RHBDD1: variants seen among roughly 807,000 people sequenced by gnomAD.
The protein encoded by RHBDD1 is rhomboid-related protein 4.
A neutral mutation model predicts 36.3 loss-of-function variants in RHBDD1; 38 were observed. That is an observed-to-expected ratio of 1.05 (90% CI 0.81 to 1.37). The LOEUF is 1.37. Ranked by LOEUF, RHBDD1 falls within the 40% of genes most tolerant of loss-of-function variation. The pLI is 0.00. For synonymous variants in RHBDD1, 151 were observed against 136.5 expected, an observed-to-expected ratio of 1.11 and a Z score of -0.74; for missense variants, 393 against 377.6, an observed-to-expected ratio of 1.04 and a Z score of -0.34.
At chr2:226,995,337 AC>A in intron 8 of RHBDD1, 93 bp from the exon 9 acceptor site, 1 of 752,674 alleles carries the variant, frequency 1.3e-6, no homozygotes, top group African/African-American at 1.8e-5. Flanking sequence ...TGAAGATGAC[AC>A]CCAAGCTATC....
At chr2:226,958,704 G>A (rs1165445699) in intron 8 of RHBDD1, among the ~76,000 whole-genome samples, 2 of 79,758 alleles carry the variant, frequency 2.5e-5, no homozygotes, top group African/African-American at 1.1e-4. Context: ...GGATTTTTCT[G>A]TGTGTGTGTG....
chr2:226,840,583 A>G (rs1300221485), intron 3 of RHBDD1, among the ~76,000 whole-genome samples: 1 of 152,208 alleles, frequency 6.6e-6, no homozygotes, highest in Non-Finnish European at 1.5e-5. Context: ...ATAAAGAAAC[A>G]GAAGCTCTAC....
At position 226,910,193 on chromosome 2, in the gene RHBDD1, T is replaced by A. The variant is rs568684880; in HGVS notation, c.712+1315T>A. On this transcript the variant is annotated intron_variant, in intron 7 of 8. Transcript: ENST00000392062. ...TGCACTCGATTTATTTTCTATTTTTTAAAAAAGAGGACTGAAGAGAACAGC... is the reference window on the plus strand; with the variant it reads ...TGCACTCGATTTATTTTCTATTTTTAAAAAAAGAGGACTGAAGAGAACAGC... Among the ~76,000 whole-genome samples the A allele has an allele frequency of 1.5e-4, 23 of 152,336 alleles. No individual in the cohort carries two copies. The East Asian group carries it at 2.3e-3, about 15-fold the overall frequency.
At chr2:226,906,445 G>A (rs763893001) in intron 5 of RHBDD1, among the ~76,000 whole-genome samples, 3 of 152,070 alleles carry the variant, frequency 2.0e-5, no homozygotes, top group Non-Finnish European at 4.4e-5. Context: ...AGAGAAAACT[G>A]ATTTTATTTA....
chr2:226,900,323 C>A (rs1050779366), intron 5 of RHBDD1, among the ~76,000 whole-genome samples: 3 of 152,102 alleles, frequency 2.0e-5, no homozygotes, highest in Non-Finnish European at 4.4e-5. Flanking sequence ...TTATTGGTTA[C>A]CTTGCAGAAT....
chr2:226,943,679 A>G lies in RHBDD1; in HGVS notation c.856+29328A>G, dbSNP rs575500340. Among the ~76,000 whole-genome samples the G allele has an allele frequency of 5.3e-5, 8 of 152,300 alleles. No individual in the cohort carries two copies. In the South Asian group the frequency reaches 1.7e-3, roughly 32 times the overall value. Reference sequence around the variant, plus strand: ...TTCTTTTGCACACTGTGCTATGACAAAGATAAATTTTAAACCTCAAGTAAT... The same window carrying G: ...TTCTTTTGCACACTGTGCTATGACAGAGATAAATTTTAAACCTCAAGTAAT... On this transcript the variant is annotated intron_variant, in intron 8 of 8. Coordinates refer to ENST00000392062, the MANE Select transcript of RHBDD1 (RefSeq NM_001167608.3).
chr2:226,977,798 C>T (rs1353555282), intron 8 of RHBDD1, among the ~76,000 whole-genome samples: 1 of 152,206 alleles, frequency 6.6e-6, no homozygotes, highest in East Asian at 1.9e-4. Flanking sequence ...GGGAATTGGC[C>T]TATTGTTCTA....
intron 8 of RHBDD1, among the ~76,000 whole-genome samples, chr2:226,955,587 C>G (rs1951735827): frequency 6.6e-6 from 1 of 152,196 alleles, no homozygotes; most frequent in Non-Finnish European, 1.5e-5. Context: ...TAATAAAATA[C>G]CAAAGACTGG....
the RHBDD1 span, among the ~76,000 whole-genome samples, chr2:226,826,745 C>T: frequency 6.6e-6 from 1 of 152,054 alleles, no homozygotes; most frequent in Admixed American, 6.6e-5. Context: ...TGATCTCAAT[C>T]TCCTGACCTC....
At chr2:226,951,237 C>T (rs916016589) in intron 8 of RHBDD1, among the ~76,000 whole-genome samples, 2 of 152,144 alleles carry the variant, frequency 1.3e-5, no homozygotes, top group East Asian at 1.9e-4. Flanking sequence ...AAGGCCCTAT[C>T]TCCAAATACA....
chr2:226,954,015 C>G (rs1407110641), intron 8 of RHBDD1, among the ~76,000 whole-genome samples: 1 of 152,150 alleles, frequency 6.6e-6, no homozygotes, highest in African/African-American at 2.4e-5. Flanking sequence ...TGAGGTTAAA[C>G]GGAAGTCACC....
intron 4 of RHBDD1, among the ~76,000 whole-genome samples, chr2:226,866,279 C>A (rs561126837): frequency 2.0e-5 from 3 of 152,242 alleles, no homozygotes; most frequent in East Asian, 3.9e-4. Context: ...ACCATGCTGG[C>A]CAGGATGGTC....
At chr2:226,964,029 T>G (rs1952429557) in intron 8 of RHBDD1, among the ~76,000 whole-genome samples, 1 of 152,122 alleles carries the variant, frequency 6.6e-6, no homozygotes, top group African/African-American at 2.4e-5. Context: ...CCTTTTCCCT[T>G]GTGTCTTCAG....
intron 5 of RHBDD1, among the ~76,000 whole-genome samples, chr2:226,889,577 A>C (rs1001084599): frequency 2.0e-5 from 3 of 152,226 alleles, no homozygotes; most frequent in Admixed American, 2.0e-4. Context: ...ACAAATTAGA[A>C]ATCAGTAGAT....
chr2:226,967,770 T>G (rs1575291223), intron 8 of RHBDD1, among the ~76,000 whole-genome samples: 1 of 151,798 alleles, frequency 6.6e-6, no homozygotes, highest in East Asian at 1.9e-4. Context: ...TTTGCAAATG[T>G]GTGTGTGAGA....
intron 8 of RHBDD1, among the ~76,000 whole-genome samples, chr2:226,951,490 A>G (rs975440106): frequency 1.3e-5 from 2 of 152,200 alleles, no homozygotes; most frequent in African/African-American, 4.8e-5. Flanking sequence ...AAAGTTTTCA[A>G]ATTAATTTTT....
At chr2:226,852,328 A>G (rs1325627337) in intron 3 of RHBDD1, among the ~76,000 whole-genome samples, 1 of 152,208 alleles carries the variant, frequency 6.6e-6, no homozygotes, top group African/African-American at 2.4e-5. Flanking sequence ...TACAAAAATA[A>G]ATTTTATAAA....
chr2:226,941,471 T>C (rs1300166292), intron 8 of RHBDD1, among the ~76,000 whole-genome samples: 1 of 152,238 alleles, frequency 6.6e-6, no homozygotes, highest in Non-Finnish European at 1.5e-5. Context: ...TATATGTGTG[T>C]TAACACTTGT....
At chr2:226,975,229 A>G (rs1238216587) in intron 8 of RHBDD1, among the ~76,000 whole-genome samples, 1 of 152,210 alleles carries the variant, frequency 6.6e-6, no homozygotes, top group Non-Finnish European at 1.5e-5. Context: ...GAAAAGGTGG[A>G]ATCGATGCCC....
Sources: allele counts gnomAD v4.1 joint callset (sites outside exome capture counted in the v4.1 genomes callset), GRCh38; gene constraint gnomAD v4.1.1; transcripts MANE v1.5; gene names NCBI Gene and HGNC (gene_info 2026-07-23, HGNC 2026-07-21).